RAB28: variants seen among roughly 807,000 people sequenced by gnomAD.
RAB28 encodes ras-related protein Rab-28.
A neutral mutation model predicts 31.7 loss-of-function variants in RAB28; 24 were observed. The ratio of observed to expected loss-of-function variants is 0.76; its 90% CI spans 0.55 to 1.06. The LOEUF (loss-of-function observed/expected upper bound fraction) is 1.06, where lower values mean the gene tolerates loss of function less well. Ranked by LOEUF, RAB28 falls within the 50% of genes least tolerant of loss-of-function variation. The pLI is 0.00. For synonymous variants in RAB28, 100 were observed against 90.4 expected (o/e 1.11, Z -0.60); for missense variants, 254 against 258.5 (o/e 0.98, Z 0.12).
At chr4:13,435,017 C>CAAAAAAAAAAA (rs991889676) in intron 4 of RAB28, among the ~76,000 whole-genome samples, 5 of 46,820 alleles carry the variant, frequency 1.1e-4, no homozygotes, top group Non-Finnish European at 2.3e-4. Flanking sequence ...GACTCCGTCT[C>CAAAAAAAAAAA]AAAAAAAAAA....
At position 13,439,051 on chromosome 4, in the gene RAB28, C is replaced by T. The variant is rs1714277225; in HGVS notation, c.391+21648G>A. The stretch of plus-strand genomic sequence containing the variant: ...TTAATGATGAGTATATTTTCATGTA[C>T]TTAATGGCTATTTGTATATCTTCTC... On this transcript the variant is annotated intron_variant, in intron 4 of 6. Transcript: ENST00000330852. Among the ~76,000 whole-genome samples, 3 of 152,126 alleles carry T rather than the reference C, an allele frequency of 2.0e-5. No individual in the cohort carries two copies. The South Asian group carries it at 6.2e-4, about 32-fold the overall frequency.
intron 4 of RAB28, among the ~76,000 whole-genome samples, chr4:13,445,708 A>C (rs1008950448): frequency 1.3e-5 from 2 of 151,520 alleles, no homozygotes; most frequent in African/African-American, 4.9e-5. Context: ...AAAGACTGCT[A>C]TCTATTCCTT....
intron 1 of RAB28, among the ~76,000 whole-genome samples, chr4:13,482,740 C>G (rs186842232): frequency 1.3e-5 from 2 of 152,248 alleles, no homozygotes; most frequent in East Asian, 3.9e-4. Context: ...TTTTCCTCAG[C>G]TTTAAAAATC....
In RAB28 at chr4:13,437,895, T is replaced by G. The variant is rs1240435290; in HGVS notation, c.391+22804A>C. On this transcript the variant is annotated intron_variant, in intron 4 of 6. Transcript: ENST00000330852. Reference sequence around the variant, plus strand: ...TCATCCATAAAAGATACCTGCATTCTTATGTTTATCACAATACTATTCACA... The same window carrying G: ...TCATCCATAAAAGATACCTGCATTCGTATGTTTATCACAATACTATTCACA... 2.0e-5 allele frequency among the ~76,000 whole-genome samples: 3 copies of G among 152,194 alleles called. No homozygotes were observed. In the East Asian group the frequency reaches 5.8e-4, roughly 29 times the overall value.
chr4:13,388,441 C>G (rs1729479129), intron 4 of RAB28, among the ~76,000 whole-genome samples: 2 of 152,018 alleles, frequency 1.3e-5, no homozygotes, highest in African/African-American at 4.8e-5. Flanking sequence ...AGGGAAAAAG[C>G]TTCAGGTCAT....
intron 4 of RAB28, among the ~76,000 whole-genome samples, chr4:13,445,806 G>A (rs1714663838): frequency 6.6e-6 from 1 of 152,206 alleles, no homozygotes; most frequent in Non-Finnish European, 1.5e-5. Context: ...CTGTTGGGAG[G>A]TCTCTCCCAG....
chr4:13,439,704 T>A (rs1313531953), intron 4 of RAB28, among the ~76,000 whole-genome samples: 2 of 152,210 alleles, frequency 1.3e-5, no homozygotes, highest in East Asian at 3.9e-4. Flanking sequence ...GCTCTTAAGT[T>A]TAGGCCTTTG....
chr4:13,393,571 G>A lies in RAB28; in HGVS notation c.392-11977C>T, dbSNP rs375686606. 2.6e-5 allele frequency among the ~76,000 whole-genome samples: 4 copies of A among 151,764 alleles called. No individual in the cohort carries two copies. The East Asian group carries it at 7.7e-4, about 29-fold the overall frequency. On this transcript the variant is annotated intron_variant, in intron 4 of 6. Coordinates refer to ENST00000330852, the MANE Select transcript of RAB28 (RefSeq NM_001017979.3). ...TTTAAATTACTTTCATTGACTACAC[G>A]GACTGAAAACTCTTTGTTCCAAATT...
chr4:13,406,547 T>C lies in RAB28; in HGVS notation c.392-24953A>G, dbSNP rs552025144. On this transcript the variant is annotated intron_variant, in intron 4 of 6. Transcript: ENST00000330852. ...TGGAACTGCTGGGTCAAATGGTATT[T>C]CTGGTTCTAGACCATTGAGGAATCG... 4.6e-5 allele frequency among the ~76,000 whole-genome samples: 7 copies of C among 152,324 alleles called. No homozygotes were observed. The South Asian group carries it at 1.2e-3, about 27-fold the overall frequency.
chr4:13,376,040 G>C (rs1257548874), intron 6 of RAB28, among the ~76,000 whole-genome samples: 1 of 152,004 alleles, frequency 6.6e-6, no homozygotes, highest in Non-Finnish European at 1.5e-5. Context: ...GGAAATTATA[G>C]TGGTACTTTA....
At chr4:13,388,808 T>C (rs1334600550) in intron 4 of RAB28, among the ~76,000 whole-genome samples, 3 of 151,592 alleles carry the variant, frequency 2.0e-5, no homozygotes, top group South Asian at 2.1e-4. Context: ...AAAACAAGGA[T>C]GAAAAAGATG....
chr4:13,419,355 A>G (rs1186246562), intron 4 of RAB28, among the ~76,000 whole-genome samples: 1 of 152,228 alleles, frequency 6.6e-6, no homozygotes, highest in Non-Finnish European at 1.5e-5. Flanking sequence ...ACAGAAGGTT[A>G]ACACGGATAT....
chr4:13,413,122 G>A (rs1712540571), intron 4 of RAB28, among the ~76,000 whole-genome samples: 1 of 151,990 alleles, frequency 6.6e-6, no homozygotes, highest in Non-Finnish European at 1.5e-5. Flanking sequence ...ACAAAAAAAT[G>A]GAAGGATTTA....
At chr4:13,438,768 T>C (rs1315319594) in intron 4 of RAB28, among the ~76,000 whole-genome samples, 2 of 152,200 alleles carry the variant, frequency 1.3e-5, no homozygotes, top group Non-Finnish European at 2.9e-5. Context: ...TTTTCATTTC[T>C]CTTGGGAAGA....
intron 4 of RAB28, among the ~76,000 whole-genome samples, chr4:13,397,995 GCAGA>G (rs1250439545): frequency 6.6e-5 from 10 of 151,090 alleles, no homozygotes; most frequent in African/African-American, 1.2e-4. Context: ...CCGGTATCAA[GCAGA>G]CAGAGGAGGG....
intron 2 of RAB28, among the ~76,000 whole-genome samples, 164 bp from the exon 3 acceptor site, chr4:13,474,570 G>A (rs565397278): frequency 3.3e-5 from 5 of 151,596 alleles, no homozygotes; most frequent in African/African-American, 9.6e-5. Context: ...CGAAAACAAC[G>A]TCAAAAGAAA....
chr4:13,439,841 C>T (rs1035476062), intron 4 of RAB28, among the ~76,000 whole-genome samples: 1 of 152,140 alleles, frequency 6.6e-6, no homozygotes, highest in African/African-American at 2.4e-5. Context: ...AAGAGTGAGC[C>T]TAGTACCATA....
In RAB28 at chr4:13,414,931, A is replaced by G. The variant is rs1443128330; in HGVS notation, c.392-33337T>C. Reference sequence around the variant, plus strand: ...TTCCTTAATTTGATAAAGAATACCAATTAGAAGCCAAAAACAAAATTCCTA... The same window carrying G: ...TTCCTTAATTTGATAAAGAATACCAGTTAGAAGCCAAAAACAAAATTCCTA... On this transcript the variant is annotated intron_variant, in intron 4 of 6. Coordinates refer to ENST00000330852, the MANE Select transcript of RAB28 (RefSeq NM_001017979.3). Among the ~76,000 whole-genome samples, 5 of 152,344 alleles carry G rather than the reference A, an allele frequency of 3.3e-5. No homozygotes were observed. The South Asian group carries it at 8.3e-4, about 25-fold the overall frequency.
chr4:13,420,846 C>G (rs541021530), intron 4 of RAB28, among the ~76,000 whole-genome samples: 1 of 152,176 alleles, frequency 6.6e-6, no homozygotes, highest in African/African-American at 2.4e-5. Flanking sequence ...AAAACTGGCA[C>G]AAGACAAGGA....
Sources: gnomAD v4.1 joint callset for allele counts (sites outside exome capture counted in the v4.1 genomes callset) on GRCh38, gnomAD v4.1.1 for gene constraint, MANE v1.5 for transcripts, NCBI Gene and HGNC (gene_info 2026-07-23, HGNC 2026-07-21) for gene names.